The following NAV3 variants were observed in gnomAD, a reference collection of about 807,000 sequenced individuals.
The protein encoded by NAV3 is neuron navigator 3.
NAV3 carries 87 observed loss-of-function variants against 244.7 expected under a neutral mutation model. That is an observed-to-expected ratio of 0.36 (90% CI 0.30 to 0.42). NAV3 has a LOEUF of 0.42. Among genes scored for constraint, NAV3 ranks in the 20% least tolerant of loss-of-function variants. NAV3 has a pLI of 1.00. For missense variants in NAV3, 2,663 were observed against 2,893.3 expected (o/e 0.92, Z 1.83); for synonymous variants, 1,126 against 1,042.2 (o/e 1.08, Z -1.55).
At chr12:77,945,251 A>C (rs1327793911) in intron 3 of NAV3, among the ~76,000 whole-genome samples, 1 of 152,154 alleles carries the variant, frequency 6.6e-6, no homozygotes. Flanking sequence ...GTGGTAAGTA[A>C]CTATACCAAG....
intron 22 of NAV3, among the ~76,000 whole-genome samples, chr12:78,158,864 T>C (rs1035825991): frequency 1.6e-4 from 25 of 152,168 alleles, no homozygotes; most frequent in African/African-American, 5.3e-4. Context: ...CTAAAAATCT[T>C]GGCAGATCAG....
chr12:77,664,259 T>G (rs1397217023), intron 2 of NAV3, among the ~76,000 whole-genome samples: 1 of 152,184 alleles, frequency 6.6e-6, no homozygotes, highest in African/African-American at 2.4e-5. Context: ...CCTTTAAATA[T>G]CCATGAAAAT....
intron 1 of NAV3, among the ~76,000 whole-genome samples, chr12:77,840,920 C>T (rs1875528954): frequency 6.6e-6 from 1 of 152,186 alleles, no homozygotes; most frequent in Non-Finnish European, 1.5e-5. Context: ...GATACTGAGT[C>T]ACATAATAAG....
intron 2 of NAV3, among the ~76,000 whole-genome samples, chr12:77,576,245 A>T (rs1471198808): frequency 2.0e-5 from 3 of 152,076 alleles, no homozygotes; most frequent in South Asian, 4.1e-4. Context: ...AATAATACTG[A>T]TATAGAAAAA....
chr12:77,673,817 C>A (rs1240373032), intron 2 of NAV3, among the ~76,000 whole-genome samples: 1 of 151,986 alleles, frequency 6.6e-6, no homozygotes, highest in African/African-American at 2.4e-5. Context: ...ATCTATTTTT[C>A]TTTTACTGTG....
intron 39 of NAV3, among the ~76,000 whole-genome samples, chr12:78,208,626 G>A (rs949039252): frequency 1.3e-5 from 2 of 151,954 alleles, no homozygotes; most frequent in East Asian, 1.9e-4. Context: ...TCTGAGATGT[G>A]GAATGTATTA....
intron 9 of NAV3, among the ~76,000 whole-genome samples, chr12:78,045,226 T>C (rs1262434864): frequency 6.6e-6 from 1 of 152,198 alleles, no homozygotes; most frequent in African/African-American, 2.4e-5. Flanking sequence ...TGTGATGGAT[T>C]ACATTTATTG....
At chr12:77,794,432 G>A (rs1871317727) in intron 2 of NAV3, among the ~76,000 whole-genome samples, 1 of 152,126 alleles carries the variant, frequency 6.6e-6, no homozygotes, top group Non-Finnish European at 1.5e-5. Context: ...CCAGTCTCTA[G>A]TCAAGATCCC....
intron 1 of NAV3, among the ~76,000 whole-genome samples, chr12:77,841,353 C>G (rs1875612570): frequency 6.6e-6 from 1 of 152,132 alleles, no homozygotes; most frequent in Non-Finnish European, 1.5e-5. Flanking sequence ...TTCTGTAAAA[C>G]TGAAAACCTG....
At chr12:78,119,068 T>TTGTAGCTA (rs1388473831) in intron 14 of NAV3, among the ~76,000 whole-genome samples, 169 bp from the exon 15 acceptor site, 3 of 152,244 alleles carry the variant, frequency 2.0e-5, no homozygotes, top group Non-Finnish European at 4.4e-5. Flanking sequence ...AGCCAAATTT[T>TTGTAGCTA]TGTAGCTATG....
At chr12:77,594,018 C>T (rs549732459) in intron 2 of NAV3, among the ~76,000 whole-genome samples, 8 of 152,122 alleles carry the variant, frequency 5.3e-5, no homozygotes, top group African/African-American at 1.9e-4. Context: ...AATATATATT[C>T]GTTCTCATTT....
intron 8 of NAV3, among the ~76,000 whole-genome samples, chr12:78,015,810 A>G (rs189221418): frequency 6.6e-6 from 1 of 152,208 alleles, no homozygotes; most frequent in African/African-American, 2.4e-5. Flanking sequence ...TCAATAATTA[A>G]TGACAACTGG....
At chr12:78,145,466 G>C (rs935961051) in intron 20 of NAV3, among the ~76,000 whole-genome samples, 4 of 152,164 alleles carry the variant, frequency 2.6e-5, no homozygotes, top group African/African-American at 9.7e-5. Flanking sequence ...GAAAACGAGA[G>C]ATTGTTTTTC....
intron 2 of NAV3, among the ~76,000 whole-genome samples, chr12:77,692,765 T>TA (rs140516470): frequency 2.0e-5 from 3 of 151,856 alleles, no homozygotes; most frequent in Non-Finnish European, 2.9e-5. Flanking sequence ...ATACCTTTTT[T>TA]AAAAAAAATA....
intron 5 of NAV3, among the ~76,000 whole-genome samples, chr12:77,977,710 G>A (rs199507166): frequency 0.024 from 2,035 of 86,114 alleles, 17 homozygotes; most frequent in African/African-American, 0.03. Flanking sequence ...ACACACACAC[G>A]CGCACACACA....
intron 2 of NAV3, among the ~76,000 whole-genome samples, chr12:77,756,169 G>GGTA (rs1339125916): frequency 7.2e-5 from 11 of 152,044 alleles, no homozygotes; most frequent in Non-Finnish European, 1.0e-4. Context: ...ACCGCCACCA[G>GGTA]GTAGTTTTTT....
intron 2 of NAV3, among the ~76,000 whole-genome samples, chr12:77,672,849 G>A (rs1186601071): frequency 3.3e-5 from 5 of 152,072 alleles, no homozygotes; most frequent in Non-Finnish European, 7.4e-5. Flanking sequence ...TGGGAAAGGA[G>A]CTACTAGTTT....
intron 9 of NAV3, among the ~76,000 whole-genome samples, chr12:78,024,687 C>T (rs1039850587): frequency 6.6e-6 from 1 of 152,088 alleles, no homozygotes; most frequent in Non-Finnish European, 1.5e-5. Flanking sequence ...TTAAAAAACA[C>T]AACTTCCTGG....
chr12:78,132,349 A>G (rs181729086), intron 18 of NAV3, among the ~76,000 whole-genome samples: 6 of 152,160 alleles, frequency 3.9e-5, no homozygotes, highest in Admixed American at 2.0e-4. Context: ...CCAAGTCTGA[A>G]AGGTTAAGTT....
Sources: gnomAD v4.1 joint callset for allele counts (sites outside exome capture counted in the v4.1 genomes callset) on GRCh38, gnomAD v4.1.1 for gene constraint, MANE v1.5 for transcripts, NCBI Gene and HGNC (gene_info 2026-07-23, HGNC 2026-07-21) for gene names.